Variants in PNPLA1 observed in about 807,000 individuals in gnomAD.
PNPLA1 encodes the protein omega-hydroxyceramide transacylase.
Under a neutral mutation model 51.7 loss-of-function variants are expected in PNPLA1, and 36 were observed. The ratio of observed to expected loss-of-function variants is 0.70; its 90% CI spans 0.53 to 0.92. The LOEUF (loss-of-function observed/expected upper bound fraction) is 0.92, where lower values mean the gene tolerates loss of function less well. Among genes scored for constraint, PNPLA1 ranks in the 40% least tolerant of loss-of-function variants. The pLI is 0.00. For synonymous variants in PNPLA1, 293 were observed against 280.1 expected, an observed-to-expected ratio of 1.05 and a Z score of -0.46; for missense variants, 658 against 682.5, an observed-to-expected ratio of 0.96 and a Z score of 0.40.
In PNPLA1 at chr6:36,294,456, G is replaced by T. The variant is rs184756294; in HGVS notation, c.714+57G>T. On this transcript the variant is annotated intron_variant, in intron 4 of 8. Coordinates refer to ENST00000636260, the MANE Select transcript of PNPLA1 (RefSeq NM_001374623.1). The surrounding 1 kb of genome is among the most constrained non-coding windows in gnomAD (Gnocchi z 4.2). ...GAAGGTACCAGGGACTAGGGGTGGG[G>T]TTAGAGAGCCACTGGGGCCCACTCA... 17 of 1,526,870 alleles carry T rather than the reference G, an allele frequency of 1.1e-5. No homozygotes were observed. The Admixed American group carries it at 2.4e-4, about 22-fold the overall frequency. 94.6% of individuals were successfully genotyped at this position (1,526,870 alleles called of 1,614,324 possible).
rs192158713 is a variant in PNPLA1 at position 36,299,387 on chromosome 6, T to G, written c.776-2474T>G. ...TCTCGCTCTGTCACCCAGGCTGGAG[T>G]GCAGTGGCATGATCTCGGCTCACTG... On this transcript the variant is annotated intron_variant, in intron 5 of 8. Transcript: ENST00000636260. Among the ~76,000 whole-genome samples the G allele has an allele frequency of 2.3e-3, 341 of 147,466 alleles. 2 individuals carry two copies. The highest frequency in any genetic ancestry group is 3.9e-3 in the Non-Finnish European group (261 of 67,490).
chr6:36,254,984 G>A lies in PNPLA1; in HGVS notation c.-81+11723G>A, dbSNP rs187282200. ...ATTGAAAACAATGACCTAGTGCCCG[G>A]ACAATGAATTGCAACTTCTTTCCCA... is the stretch of plus-strand genomic sequence containing the variant. On this transcript the variant is annotated intron_variant, in intron 1 of 7. Transcript: ENST00000312917. Among the ~76,000 whole-genome samples the A allele has an allele frequency of 3.4e-3, 518 of 152,260 alleles. 2 individuals carry two copies. Among genetic ancestry groups the A allele is most frequent in the Admixed American group, 8.2e-3 (125 of 15,292 alleles).
chr6:36,307,850 T>C, intron 8 of PNPLA1, 138 bp downstream of exon 8: 1 of 1,145,822 alleles, frequency 8.7e-7, no homozygotes, highest in Non-Finnish European at 1.2e-6. Flanking sequence ...AACAGACACA[T>C]CCGACATAAA....
intron 1 of PNPLA1, among the ~76,000 whole-genome samples, chr6:36,272,827 G>A (rs888843212): frequency 4.6e-5 from 7 of 152,148 alleles, no homozygotes; most frequent in Non-Finnish European, 1.0e-4. Context: ...TTATTTTAAA[G>A]AATAATAGTA....
intron 8 of PNPLA1, 80 bp downstream of exon 8, chr6:36,307,792 G>A (rs751463097): frequency 3.5e-5 from 54 of 1,562,756 alleles, no homozygotes; most frequent in Non-Finnish European, 4.4e-5. Flanking sequence ...CCGAGGAATA[G>A]AGGAGAGTGT....
chr6:36,252,857 T>C (rs922223160), intron 1 of PNPLA1, among the ~76,000 whole-genome samples: 1 of 152,232 alleles, frequency 6.6e-6, no homozygotes, highest in Non-Finnish European at 1.5e-5. Context: ...ATTTTTAACT[T>C]TGTTTCAACC....
intron 1 of PNPLA1, among the ~76,000 whole-genome samples, chr6:36,284,479 G>C (rs538729638): frequency 6.6e-6 from 1 of 152,072 alleles, no homozygotes; most frequent in Non-Finnish European, 1.5e-5. Context: ...AACAAAAACT[G>C]TGTGACCTAG....
At chr6:36,303,656 A>T (rs1257067598) in intron 6 of PNPLA1, among the ~76,000 whole-genome samples, 1 of 151,730 alleles carries the variant, frequency 6.6e-6, no homozygotes, top group Non-Finnish European at 1.5e-5. Flanking sequence ...ACATGGTGAA[A>T]CCCCATCTCT....
intron 1 of PNPLA1, among the ~76,000 whole-genome samples, chr6:36,285,856 G>T (rs1474968361): frequency 1.3e-5 from 2 of 152,122 alleles, no homozygotes; most frequent in South Asian, 2.1e-4. Context: ...TATATCTGTA[G>T]GGTCCCCCAA....
chr6:36,300,395 C>T lies in PNPLA1; in HGVS notation c.776-1466C>T, dbSNP rs374806403. Reference sequence around the variant, plus strand: ...ATTTTTAGTAGAGATGGGGTTTCACCGTGTTAGCCAGGATGGTCTCAATCT... The same window carrying T: ...ATTTTTAGTAGAGATGGGGTTTCACTGTGTTAGCCAGGATGGTCTCAATCT... On this transcript the variant is annotated intron_variant, in intron 5 of 8. Transcript: ENST00000636260. Among the ~76,000 whole-genome samples, 31 of 152,132 alleles carry T rather than the reference C, an allele frequency of 2.0e-4. No homozygotes were observed. The East Asian group carries it at 3.7e-3, about 18-fold the overall frequency.
intron 1 of PNPLA1, among the ~76,000 whole-genome samples, chr6:36,281,913 C>T (rs1301792311): frequency 6.6e-6 from 1 of 151,368 alleles, no homozygotes; most frequent in Non-Finnish European, 1.5e-5. Context: ...CCCAGCTACT[C>T]GGGGGGCTGA....
upstream of PNPLA1, among the ~76,000 whole-genome samples, chr6:36,265,613 C>T (rs1769743482): frequency 6.6e-6 from 1 of 152,128 alleles, no homozygotes; most frequent in Non-Finnish European, 1.5e-5. Flanking sequence ...CTACATTTTA[C>T]TAGAAATATT....
intron 1 of PNPLA1, among the ~76,000 whole-genome samples, chr6:36,282,055 A>C: frequency 1.0e-5 from 1 of 99,874 alleles, no homozygotes; most frequent in Admixed American, 1.0e-4. Flanking sequence ...GAAAGAAAGA[A>C]AGAAAGAAAG....
chr6:36,276,285 C>G (rs1454045696), intron 1 of PNPLA1, among the ~76,000 whole-genome samples: 1 of 152,116 alleles, frequency 6.6e-6, no homozygotes, highest in Non-Finnish European at 1.5e-5. Context: ...CTTCTCAAGG[C>G]CACTTCCCCA....
At chr6:36,298,258 G>A (rs1480866962) in intron 5 of PNPLA1, among the ~76,000 whole-genome samples, 1 of 152,094 alleles carries the variant, frequency 6.6e-6, no homozygotes, top group Non-Finnish European at 1.5e-5. Context: ...GGACATTTAG[G>A]TTATTTTCAG....
chr6:36,311,159 A>G (rs1253555018), intron 8 of PNPLA1, among the ~76,000 whole-genome samples: 10 of 152,388 alleles, frequency 6.6e-5, no homozygotes, highest in East Asian at 1.9e-4. Flanking sequence ...ATAGTCCACC[A>G]GATGACTGAT....
chr6:36,303,243 C>T lies in PNPLA1; in HGVS notation c.1384+774C>T, dbSNP rs575325603. Among the ~76,000 whole-genome samples, 488 of 152,094 alleles carry T rather than the reference C, an allele frequency of 3.2e-3. 4 individuals carry two copies. The highest frequency in any genetic ancestry group is 0.031 in the Middle Eastern group (9 of 292). On this transcript the variant is annotated intron_variant, in intron 6 of 8. Coordinates refer to ENST00000636260, the MANE Select transcript of PNPLA1 (RefSeq NM_001374623.1). ...CCGAGTAGCTGGGACTACAGATGCCCGCCACCACGCCTGGCTAATTTTTTG... is the reference window on the plus strand; with the variant it reads ...CCGAGTAGCTGGGACTACAGATGCCTGCCACCACGCCTGGCTAATTTTTTG...
chr6:36,291,561 G>T lies in PNPLA1; in HGVS notation c.438+9G>T, dbSNP rs1457496399. 3 of 1,429,452 alleles carry T rather than the reference G, an allele frequency of 2.1e-6. No individual in the cohort carries two copies. In the Middle Eastern group the frequency reaches 5.4e-4, roughly 256 times the overall value. The allele number at this position is 1,429,452 out of a possible 1,614,324, so 88.5% of individuals were successfully genotyped here. A position where few individuals can be genotyped will look rare whatever the true frequency, so the allele number is the denominator to read the frequency against. ...AGGAGGAGCTCATTGAGGCAAGGGG[G>T]CTGGGCTGGGAGGGAGGGACACGGA... On this transcript the variant is annotated intron_variant, in intron 2 of 8. Coordinates refer to ENST00000636260, the MANE Select transcript of PNPLA1 (RefSeq NM_001374623.1).
At chr6:36,257,113 T>C (rs1177275942) in intron 1 of PNPLA1, among the ~76,000 whole-genome samples, 1 of 152,136 alleles carries the variant, frequency 6.6e-6, no homozygotes, top group East Asian at 1.9e-4. Context: ...GGGAGGGGAT[T>C]CACAACAATT....
Sources: allele counts gnomAD v4.1 joint callset (sites outside exome capture counted in the v4.1 genomes callset), GRCh38; gene constraint gnomAD v4.1.1; non-coding constraint Gnocchi (gnomAD v3.1); transcripts MANE v1.5; gene names NCBI Gene and HGNC (gene_info 2026-07-23, HGNC 2026-07-21).